SLC10A7: variants seen among roughly 807,000 people sequenced by gnomAD.
SLC10A7 encodes solute carrier family 10 member 7, also known as sodium/bile acid cotransporter 7.
A neutral mutation model predicts 43.2 loss-of-function variants in SLC10A7; 29 were observed. The observed-to-expected ratio is 0.67, with a 90% CI of 0.50 to 0.92. SLC10A7 has a LOEUF of 0.92. SLC10A7 is among the 40% of genes least tolerant of loss of function. SLC10A7 has a pLI of 0.00. For missense variants in SLC10A7, 295 were observed against 403.2 expected, an observed-to-expected ratio of 0.73 and a Z score of 2.30; for synonymous variants, 152 against 144.8, an observed-to-expected ratio of 1.05 and a Z score of -0.35.
At chr4:146,324,749 A>G (rs1732986905) in intron 6 of SLC10A7, among the ~76,000 whole-genome samples, 1 of 152,138 alleles carries the variant, frequency 6.6e-6, no homozygotes, top group South Asian at 2.1e-4. Context: ...TAGTTACATA[A>G]TAAGTCTTTT....
At chr4:146,421,811 C>T (rs1728986531) in intron 5 of SLC10A7, among the ~76,000 whole-genome samples, 1 of 152,156 alleles carries the variant, frequency 6.6e-6, no homozygotes. Context: ...TGACCTTCTC[C>T]ACTTGGGCTG....
chr4:146,354,440 T>C (rs544774652), intron 5 of SLC10A7, among the ~76,000 whole-genome samples: 4 of 152,056 alleles, frequency 2.6e-5, no homozygotes, highest in African/African-American at 9.7e-5. Context: ...GAAGAATCAA[T>C]ATCGTGAAAA....
intron 6 of SLC10A7, among the ~76,000 whole-genome samples, chr4:146,311,235 C>T (rs1731957507): frequency 1.3e-5 from 2 of 152,008 alleles, no homozygotes; most frequent in Non-Finnish European, 2.9e-5. Context: ...TCTGGGGGTC[C>T]ACTTGGTAAA....
Position 146,287,473 on chromosome 4 carries a change from G to A in SLC10A7, c.774-4208C>T, listed in dbSNP as rs138674193. 1.5e-3 allele frequency among the ~76,000 whole-genome samples: 226 copies of A among 152,172 alleles called. 1 individual carries two copies. Among genetic ancestry groups the A allele is most frequent in the African/African-American group, 5.3e-3 (218 of 41,512 alleles). On this transcript the variant is annotated intron_variant, in intron 9 of 11. Coordinates refer to ENST00000335472, the MANE Select transcript of SLC10A7 (RefSeq NM_001029998.6). ...AGTGAAAAATATGGAGATTTTTCAG[G>A]TAGAGAACGGGCAAGCAGAGGCAAG...
In SLC10A7 at chr4:146,405,058, G is replaced by A. The variant is rs1727568659; in HGVS notation, c.435+37725C>T. 2.0e-5 allele frequency among the ~76,000 whole-genome samples: 3 copies of A among 152,102 alleles called. No homozygotes were observed. The South Asian group carries it at 6.2e-4, about 32-fold the overall frequency. On this transcript the variant is annotated intron_variant, in intron 5 of 11. Transcript: ENST00000335472. ...CAGAATAATACTTAAAATCAATTAGGATCTGCTCAGTTTACAGGAAGATTT... is the reference window on the plus strand; with the variant it reads ...CAGAATAATACTTAAAATCAATTAGAATCTGCTCAGTTTACAGGAAGATTT...
At chr4:146,490,660 G>A (rs1735314901) in intron 4 of SLC10A7, among the ~76,000 whole-genome samples, 1 of 152,072 alleles carries the variant, frequency 6.6e-6, no homozygotes, top group East Asian at 1.9e-4. Flanking sequence ...ACACTATTAA[G>A]CATACACTCT....
rs886376756 is a variant in SLC10A7 at position 146,472,530 on chromosome 4, G to A, written c.397-29709C>T. ...CAGTGCAAAGCAGTTCCTAACAACA[G>A]GGAACCCAGCTGGGATAGGAAGAGG... On this transcript the variant is annotated intron_variant, in intron 4 of 11. Transcript: ENST00000335472. Among the ~76,000 whole-genome samples the A allele has an allele frequency of 8.6e-5, 13 of 151,234 alleles. No individual in the cohort carries two copies. The East Asian group carries it at 2.5e-3, about 29-fold the overall frequency.
intron 5 of SLC10A7, among the ~76,000 whole-genome samples, chr4:146,438,940 T>C (rs1350817131): frequency 6.6e-6 from 1 of 152,052 alleles, no homozygotes; most frequent in Admixed American, 6.5e-5. Flanking sequence ...TACACGTATA[T>C]ACATAAATTT....
chr4:146,450,480 T>C (rs1219234084), intron 4 of SLC10A7, among the ~76,000 whole-genome samples: 4 of 152,044 alleles, frequency 2.6e-5, no homozygotes, highest in Non-Finnish European at 4.4e-5. Context: ...ATTAAACATA[T>C]AGAAATTAGT....
chr4:146,339,010 T>C (rs922435324), intron 5 of SLC10A7, among the ~76,000 whole-genome samples: 5 of 151,822 alleles, frequency 3.3e-5, no homozygotes, highest in African/African-American at 1.2e-4. Context: ...AGGGGGATAG[T>C]ATGAAGTTCA....
At chr4:146,293,845 G>A in intron 8 of SLC10A7, 85 bp downstream of exon 8, 1 of 805,416 alleles carries the variant, frequency 1.2e-6, no homozygotes. Flanking sequence ...ATTAACACTA[G>A]ACATGAATTT....
At chr4:146,333,042 C>T (rs569803832) in intron 5 of SLC10A7, among the ~76,000 whole-genome samples, 15 of 152,062 alleles carry the variant, frequency 9.9e-5, no homozygotes, top group South Asian at 2.1e-4. Flanking sequence ...TTACTGGTGC[C>T]GAGGGGAAAA....
rs374938794 is a variant in SLC10A7 at position 146,283,243 on chromosome 4, C to T, written c.796G>A (p.Ala266Thr). ...CAGAAAATGATAGCCACTGTGTCTG[C>T]TGGTGTGAAACCCGAATTATTCCTA... ...STRNNSGFTP[A>T]DTVAIIFCST... The change falls in exon 10 of 12, where the codon GCA becomes ACA. Residue 266 changes from alanine to threonine, a missense_variant. Coordinates refer to ENST00000335472, the MANE Select transcript of SLC10A7 (RefSeq NM_001029998.6). 69 of 1,613,248 alleles carry T rather than the reference C, an allele frequency of 4.3e-5. No homozygotes were observed. Among genetic ancestry groups the T allele is most frequent in the Non-Finnish European group, 5.8e-5 (69 of 1,179,548 alleles).
intron 6 of SLC10A7, among the ~76,000 whole-genome samples, chr4:146,310,957 A>C (rs1294290705): frequency 3.1e-4 from 7 of 22,726 alleles, no homozygotes; most frequent in African/African-American, 1.3e-3. Flanking sequence ...AGACAGGGGG[A>C]GGATGGGGGG....
intron 1 of SLC10A7, among the ~76,000 whole-genome samples, chr4:146,519,051 C>T (rs1268315886): frequency 9.2e-6 from 1 of 108,960 alleles, no homozygotes; most frequent in Non-Finnish European, 1.8e-5. Context: ...GAAGACCAAG[C>T]TCAGGAAAAA....
At chr4:146,278,774 A>G (rs1243896431) in intron 10 of SLC10A7, among the ~76,000 whole-genome samples, 1 of 152,174 alleles carries the variant, frequency 6.6e-6, no homozygotes, top group Non-Finnish European at 1.5e-5. Context: ...CATTGTATGG[A>G]TGAGGAAATG....
intron 10 of SLC10A7, among the ~76,000 whole-genome samples, chr4:146,265,133 GCA>G (rs2111014711): frequency 6.6e-6 from 1 of 152,322 alleles, no homozygotes; most frequent in East Asian, 1.9e-4. Context: ...TGCTCTGCCT[GCA>G]CCATCTCCTT....
intron 10 of SLC10A7, among the ~76,000 whole-genome samples, chr4:146,264,150 C>A (rs1348935586): frequency 6.6e-6 from 1 of 152,152 alleles, no homozygotes; most frequent in Non-Finnish European, 1.5e-5. Context: ...TTATCCTATA[C>A]CCAGGATGGA....
At chr4:146,269,340 A>G in intron 10 of SLC10A7, among the ~76,000 whole-genome samples, 1 of 152,246 alleles carries the variant, frequency 6.6e-6, no homozygotes, top group East Asian at 1.9e-4. Flanking sequence ...CAGGGAATTC[A>G]AGAATGAATT....
Sources: allele counts gnomAD v4.1 joint callset (sites outside exome capture counted in the v4.1 genomes callset), GRCh38; gene constraint gnomAD v4.1.1; transcripts MANE v1.5; gene names NCBI Gene and HGNC (gene_info 2026-07-23, HGNC 2026-07-21).